The following TENM2 variants were observed in gnomAD, a reference collection of about 807,000 sequenced individuals.
TENM2 encodes teneurin transmembrane protein 2, also known as teneurin-2.
In TENM2, 52 loss-of-function variants were observed where a neutral mutation model predicts 245.2. The ratio of observed to expected loss-of-function variants is 0.21; its 90% CI spans 0.17 to 0.27. TENM2 has a LOEUF of 0.27. Among genes scored for constraint, TENM2 ranks in the 10% least tolerant of loss-of-function variants. The pLI is 1.00. For missense variants in TENM2, 3,046 were observed against 3,666.8 expected, an observed-to-expected ratio of 0.83 and a Z score of 4.37; for synonymous variants, 1,363 against 1,438.9, an observed-to-expected ratio of 0.95 and a Z score of 1.19.
At chr5:167,387,777 A>C (rs1248145193) in intron 2 of TENM2, among the ~76,000 whole-genome samples, 1 of 152,130 alleles carries the variant, frequency 6.6e-6, no homozygotes, top group Non-Finnish European at 1.5e-5. Flanking sequence ...TGAGATGATC[A>C]TGTGATTTTT....
chr5:167,415,489 T>C (rs1736170681), intron 2 of TENM2, among the ~76,000 whole-genome samples: 2 of 152,146 alleles, frequency 1.3e-5, no homozygotes, highest in Non-Finnish European at 2.9e-5. Flanking sequence ...GCAGAGAAGA[T>C]TAAAATTTAA....
chr5:168,223,154 C>T (rs2152571373), intron 23 of TENM2, among the ~76,000 whole-genome samples: 1 of 152,318 alleles, frequency 6.6e-6, no homozygotes, highest in East Asian at 1.9e-4. Flanking sequence ...GTTTTTCTCC[C>T]TTTGGCCCAT....
the TENM2 span, among the ~76,000 whole-genome samples, chr5:167,217,713 GATATATATAT>G: frequency 3.9e-4 from 55 of 141,196 alleles, 1 homozygote; most frequent in South Asian, 2.7e-3. Context: ...TGTAATGAGT[GATATATATAT>G]ATATATATAT....
the TENM2 span, among the ~76,000 whole-genome samples, chr5:167,151,914 C>A: frequency 6.6e-6 from 1 of 152,180 alleles, no homozygotes; most frequent in African/African-American, 2.4e-5. Context: ...TCTTCACATT[C>A]AGCAGCTCCA....
chr5:167,226,406 C>T, the TENM2 span, among the ~76,000 whole-genome samples: 11 of 152,024 alleles, frequency 7.2e-5, no homozygotes, highest in African/African-American at 2.6e-4. Flanking sequence ...ATTGACCAAA[C>T]AGTTATTCAG....
chr5:167,003,683 T>C, the TENM2 span, among the ~76,000 whole-genome samples: 1 of 152,164 alleles, frequency 6.6e-6, no homozygotes, highest in African/African-American at 2.4e-5. Context: ...AATTTGAAGA[T>C]GTGTATAATT....
At chr5:167,034,359 G>A in the TENM2 span, among the ~76,000 whole-genome samples, 77 of 151,292 alleles carry the variant, frequency 5.1e-4, no homozygotes, top group Admixed American at 9.2e-4. Context: ...GGCCGGGCGC[G>A]GTGGCTCACG....
chr5:166,997,878 G>A, the TENM2 span, among the ~76,000 whole-genome samples: 4 of 152,140 alleles, frequency 2.6e-5, no homozygotes, highest in African/African-American at 7.2e-5. Context: ...CCAGTGAGAT[G>A]AGCTAAACAA....
chr5:168,153,173 G>A lies in TENM2; in HGVS notation c.2423-9438G>A, dbSNP rs565354425. 2.3e-4 allele frequency among the ~76,000 whole-genome samples: 35 copies of A among 152,186 alleles called. 1 individual carries two copies. The highest frequency in any genetic ancestry group is 3.4e-4 in the Non-Finnish European group (23 of 68,006). On this transcript the variant is annotated intron_variant, in intron 12 of 28. Coordinates refer to ENST00000518659, the Ensembl canonical transcript of TENM2. ...CTCCCAGGAAGATGGACATTGAACC[G>A]CTTGCTCTCATCATCCATTGCACAT... is the stretch of plus-strand genomic sequence containing the variant.
At chr5:167,633,277 T>C (rs1257564549) in intron 2 of TENM2, among the ~76,000 whole-genome samples, 1 of 152,090 alleles carries the variant, frequency 6.6e-6, no homozygotes, top group Non-Finnish European at 1.5e-5. Flanking sequence ...GGCCCCTCTG[T>C]TCAAGGAGTT....
the TENM2 span, among the ~76,000 whole-genome samples, chr5:166,981,523 C>G: frequency 2.0e-5 from 3 of 152,142 alleles, no homozygotes; most frequent in African/African-American, 7.2e-5. Flanking sequence ...AAGCAATATA[C>G]CCCATGCTGG....
intron 10 of TENM2, among the ~76,000 whole-genome samples, chr5:168,120,063 T>A (rs2152339054): frequency 6.6e-6 from 1 of 152,324 alleles, no homozygotes. Flanking sequence ...TGTACTTAGA[T>A]ACACCCACAT....
intron 3 of TENM2, among the ~76,000 whole-genome samples, chr5:167,894,988 A>AGGAAGGAGGGAG (rs1277156205): frequency 4.7e-5 from 5 of 106,368 alleles, no homozygotes; most frequent in Admixed American, 1.2e-4. Flanking sequence ...GAAGGAAGGA[A>AGGAAGGAGGGAG]GGAGGGAAGG....
At chr5:167,326,721 AT>A (rs34664059) in intron 1 of TENM2, among the ~76,000 whole-genome samples, 1 of 147,958 alleles carries the variant, frequency 6.8e-6, no homozygotes, top group African/African-American at 2.5e-5. Flanking sequence ...ATATATATAT[AT>A]AAAATAAAGT....
At chr5:168,028,430 A>G (rs896604343) in intron 5 of TENM2, among the ~76,000 whole-genome samples, 9 of 152,206 alleles carry the variant, frequency 5.9e-5, no homozygotes, top group Middle Eastern at 3.4e-3. Context: ...GAAGGTGCTC[A>G]GGGGCGATTC....
intron 27 of TENM2, among the ~76,000 whole-genome samples, chr5:168,255,896 C>A (rs961971177): frequency 6.6e-6 from 1 of 152,084 alleles, no homozygotes; most frequent in African/African-American, 2.4e-5. Context: ...ACCTCCACCT[C>A]CCAGGTTCAA....
chr5:168,136,980 A>G (rs1755107125), intron 12 of TENM2, among the ~76,000 whole-genome samples: 1 of 152,168 alleles, frequency 6.6e-6, no homozygotes, highest in Non-Finnish European at 1.5e-5. Context: ...CTGCTTACAT[A>G]TCCCCTAGAC....
the TENM2 span, among the ~76,000 whole-genome samples, chr5:167,036,134 T>A: frequency 6.6e-6 from 1 of 152,192 alleles, no homozygotes; most frequent in African/African-American, 2.4e-5. Context: ...TTGGGTATGA[T>A]CATTCAGAAG....
At position 167,806,523 on chromosome 5, in the gene TENM2, C is replaced by T. The variant is rs898078747; in HGVS notation, c.503-69463C>T. On this transcript the variant is annotated intron_variant, in intron 2 of 28. Transcript: ENST00000518659. ...CCGTGTTACCTTCTCTTCCCTATTG[C>T]CTTTCACTACGTGGTAATGAAGATG... Among the ~76,000 whole-genome samples, 40 of 152,100 alleles carry T rather than the reference C, an allele frequency of 2.6e-4. 1 individual carries two copies.
Sources: gnomAD v4.1 joint callset for allele counts (sites outside exome capture counted in the v4.1 genomes callset) on GRCh38, gnomAD v4.1.1 for gene constraint, MANE v1.5 for transcripts, NCBI Gene and HGNC (gene_info 2026-07-23, HGNC 2026-07-21) for gene names.